Variants in PTN observed in about 807,000 individuals in gnomAD.
PTN encodes the protein pleiotrophin.
In PTN, 18 loss-of-function variants were observed where a neutral mutation model predicts 24.1. The ratio of observed to expected loss-of-function variants is 0.75; its 90% confidence interval spans 0.52 to 1.11. PTN has a LOEUF of 1.11. Among genes scored for constraint, PTN ranks in the 50% least tolerant of loss-of-function variants. PTN has a pLI of 0.00. For synonymous variants in PTN, 78 were observed against 68.6 expected (o/e 1.14, Z -0.67); for missense variants, 163 against 198.8 (o/e 0.82, Z 1.08).
intron 1 of PTN, among the ~76,000 whole-genome samples, chr7:137,263,169 G>A (rs1266386591): frequency 2.0e-5 from 3 of 152,084 alleles, no homozygotes; most frequent in African/African-American, 7.2e-5. Context: ...AAGAAGTACA[G>A]GTAGCAAACA....
At chr7:137,313,532 C>A (rs1040548408) in intron 1 of PTN, among the ~76,000 whole-genome samples, 2 of 152,148 alleles carry the variant, frequency 1.3e-5, no homozygotes, top group Admixed American at 1.3e-4. Flanking sequence ...TAGCTCTCCC[C>A]CTTAATCGAT....
chr7:137,298,092 G>A (rs1016366797), intron 1 of PTN, among the ~76,000 whole-genome samples: 1 of 151,836 alleles, frequency 6.6e-6, no homozygotes, highest in Non-Finnish European at 1.5e-5. Flanking sequence ...TAAGGAGCAA[G>A]AATTGATAAA....
chr7:137,241,526 A>C (rs571370273), intron 4 of PTN, among the ~76,000 whole-genome samples: 1 of 152,168 alleles, frequency 6.6e-6, no homozygotes, highest in Non-Finnish European at 1.5e-5. Context: ...GAAAGGAAAT[A>C]GTCTTTAAAA....
chr7:137,302,744 T>C (rs1198158648), intron 1 of PTN, among the ~76,000 whole-genome samples: 1 of 151,988 alleles, frequency 6.6e-6, no homozygotes, highest in Non-Finnish European at 1.5e-5. Flanking sequence ...TTTTAAGGCA[T>C]TTACATTTGA....
chr7:137,251,176 T>C (rs1808819323), intron 4 of PTN, 54 bp downstream of exon 4: 1 of 1,583,990 alleles, frequency 6.3e-7, no homozygotes, highest in African/African-American at 1.3e-5. Context: ...GTTTTCCAGA[T>C]CTTACCTGAG....
chr7:137,265,493 A>G (rs1001442748), intron 1 of PTN, among the ~76,000 whole-genome samples: 7 of 152,208 alleles, frequency 4.6e-5, no homozygotes, highest in Admixed American at 4.6e-4. Flanking sequence ...TCTCCAAGGA[A>G]TGCTAAGTTT....
intron 1 of PTN, among the ~76,000 whole-genome samples, chr7:137,257,368 GAA>G (rs1563202236): frequency 6.6e-6 from 1 of 152,204 alleles, no homozygotes; most frequent in South Asian, 2.1e-4. Context: ...TGGTCACGCA[GAA>G]AAGTTTCTAC....
chr7:137,309,073 T>A (rs763029697), intron 1 of PTN, among the ~76,000 whole-genome samples: 1 of 152,144 alleles, frequency 6.6e-6, no homozygotes, highest in Non-Finnish European at 1.5e-5. Context: ...CCTGGAGGAT[T>A]GGAATGGCCG....
intron 4 of PTN, among the ~76,000 whole-genome samples, chr7:137,241,319 A>G (rs967711906): frequency 3.3e-5 from 5 of 152,192 alleles, no homozygotes; most frequent in Admixed American, 2.6e-4. Flanking sequence ...AAAAATAAAT[A>G]TAACAGTAAC....
chr7:137,297,166 G>A (rs1168774639), intron 1 of PTN, among the ~76,000 whole-genome samples: 1 of 152,068 alleles, frequency 6.6e-6, no homozygotes, highest in Non-Finnish European at 1.5e-5. Flanking sequence ...AATAAGACAT[G>A]TTATAAAATA....
intron 1 of PTN, among the ~76,000 whole-genome samples, chr7:137,292,878 T>C (rs1291125113): frequency 6.6e-6 from 1 of 152,162 alleles, no homozygotes; most frequent in Non-Finnish European, 1.5e-5. Context: ...TTTTGGCATG[T>C]TGGTGAGGTC....
intron 1 of PTN, among the ~76,000 whole-genome samples, chr7:137,339,480 C>G (rs1810500089): frequency 6.8e-6 from 1 of 148,072 alleles, no homozygotes; most frequent in Non-Finnish European, 1.5e-5. Flanking sequence ...AGCTGCGCCT[C>G]TACATTGATG....
intron 4 of PTN, among the ~76,000 whole-genome samples, chr7:137,238,118 G>A (rs1334879943): frequency 6.6e-6 from 1 of 152,090 alleles, no homozygotes; most frequent in Non-Finnish European, 1.5e-5. Flanking sequence ...TCTGTGCACT[G>A]AACAACAACA....
At chr7:137,332,871 C>T (rs936793165) in intron 1 of PTN, among the ~76,000 whole-genome samples, 5 of 152,168 alleles carry the variant, frequency 3.3e-5, no homozygotes, top group Non-Finnish European at 7.3e-5. Context: ...AATGACCCCA[C>T]GGCTAGGTCT....
chr7:137,338,702 T>C (rs1300585010), intron 1 of PTN, among the ~76,000 whole-genome samples: 1 of 152,192 alleles, frequency 6.6e-6, no homozygotes, highest in East Asian at 1.9e-4. Context: ...TCACACTACC[T>C]ACCATATAGT....
chr7:137,253,326 G>T, intron 3 of PTN, 138 bp downstream of exon 3: 1 of 859,338 alleles, frequency 1.2e-6, no homozygotes, highest in Non-Finnish European at 1.7e-6. Flanking sequence ...GGCCTGAAAT[G>T]GGACCAGTCT....
At chr7:137,302,244 G>A (rs1214442656) in intron 1 of PTN, among the ~76,000 whole-genome samples, 1 of 151,956 alleles carries the variant, frequency 6.6e-6, no homozygotes, top group African/African-American at 2.4e-5. Flanking sequence ...AATCCTCAGA[G>A]AAGCTAAATG....
At chr7:137,256,186 ATTT>A in intron 1 of PTN, among the ~76,000 whole-genome samples, 1 of 151,628 alleles carries the variant, frequency 6.6e-6, no homozygotes, top group African/African-American at 2.4e-5. Flanking sequence ...GTTTTTTTAA[ATTT>A]ATTTATTTTT....
chr7:137,287,181 G>A (rs1343994964), intron 1 of PTN, among the ~76,000 whole-genome samples: 1 of 152,206 alleles, frequency 6.6e-6, no homozygotes, highest in African/African-American at 2.4e-5. Context: ...TCCCCCAGAT[G>A]ATGTGATATG....
Sources: allele counts gnomAD v4.1 joint callset (sites outside exome capture counted in the v4.1 genomes callset), GRCh38; gene constraint gnomAD v4.1.1; transcripts MANE v1.5; gene names NCBI Gene and HGNC (gene_info 2026-07-23, HGNC 2026-07-21).